The following CELF2 variants were observed in gnomAD, a reference collection of about 807,000 sequenced individuals.
CELF2 encodes CUGBP Elav-like family member 2.
In CELF2, 8 loss-of-function variants were observed where a neutral mutation model predicts 62.6. The ratio of observed to expected loss-of-function variants is 0.13; its 90% CI spans 0.07 to 0.23. The LOEUF (loss-of-function observed/expected upper bound fraction) is 0.23, where lower values mean the gene tolerates loss of function less well. Among genes scored for constraint, CELF2 ranks in the 10% least tolerant of loss-of-function variants. CELF2 has a pLI of 1.00. For missense variants in CELF2, 333 were observed against 671.0 expected (o/e 0.50, Z 5.56); for synonymous variants, 258 against 250.0 (o/e 1.03, Z -0.30).
At chr10:10,775,156 C>A in the CELF2 span, among the ~76,000 whole-genome samples, 1 of 152,070 alleles carries the variant, frequency 6.6e-6, no homozygotes, top group African/African-American at 2.4e-5. Flanking sequence ...GGATTACAGG[C>A]GTGAGCCACA....
chr10:10,683,208 G>A, the CELF2 span, among the ~76,000 whole-genome samples: 5 of 152,146 alleles, frequency 3.3e-5, no homozygotes, highest in South Asian at 2.1e-4. Flanking sequence ...AAACTGATCA[G>A]CTATTTTCGA....
chr10:11,261,174 C>T (rs911189289), intron 5 of CELF2, among the ~76,000 whole-genome samples: 5 of 152,178 alleles, frequency 3.3e-5, no homozygotes, highest in African/African-American at 9.7e-5. Context: ...TCTTTTTCTG[C>T]TTTTGCCCAG....
At chr10:11,062,814 G>T (rs546102961) in intron 1 of CELF2, among the ~76,000 whole-genome samples, 1 of 152,298 alleles carries the variant, frequency 6.6e-6, no homozygotes, top group South Asian at 2.1e-4. Flanking sequence ...TTTAAAAGAA[G>T]TTCTAACATG....
intron 1 of CELF2, among the ~76,000 whole-genome samples, chr10:10,867,634 G>A (rs12357348): frequency 0.13 from 19,189 of 152,018 alleles, 1,598 homozygotes; most frequent in Non-Finnish European, 0.19. Context: ...AAAACCCATG[G>A]GCCATGCCTT....
At chr10:11,231,964 G>A (rs987203058) in intron 3 of CELF2, among the ~76,000 whole-genome samples, 2 of 151,698 alleles carry the variant, frequency 1.3e-5, no homozygotes, top group African/African-American at 4.9e-5. Flanking sequence ...TTGCATTCAT[G>A]TATTATTAGT....
At chr10:11,264,958 T>A (rs538718975) in intron 5 of CELF2, among the ~76,000 whole-genome samples, 2 of 152,042 alleles carry the variant, frequency 1.3e-5, no homozygotes, top group African/African-American at 4.8e-5. Context: ...GTACTGAGAG[T>A]TTTTGTGTGT....
At chr10:11,088,447 A>T (rs1351479498) in intron 1 of CELF2, among the ~76,000 whole-genome samples, 1 of 152,170 alleles carries the variant, frequency 6.6e-6, no homozygotes, top group Non-Finnish European at 1.5e-5. Flanking sequence ...TGTTCCCTAG[A>T]CATTAGAGAT....
the CELF2 span, among the ~76,000 whole-genome samples, chr10:10,492,500 A>G: frequency 6.6e-6 from 1 of 152,208 alleles, no homozygotes; most frequent in African/African-American, 2.4e-5. Flanking sequence ...AAAGCAGACA[A>G]AAGTATGGCG....
intron 2 of CELF2, among the ~76,000 whole-genome samples, chr10:11,200,040 G>A (rs960336900): frequency 1.3e-5 from 2 of 152,186 alleles, no homozygotes; most frequent in Admixed American, 6.5e-5. Context: ...TTGTTGACAC[G>A]CCTTCTGGAT....
chr10:11,055,353 T>C (rs917092551), intron 1 of CELF2, among the ~76,000 whole-genome samples: 1 of 152,186 alleles, frequency 6.6e-6, no homozygotes, highest in Admixed American at 6.5e-5. Context: ...ATAATCTGCA[T>C]TTCATGAACA....
chr10:10,849,171 C>T (rs373935313), intron 1 of CELF2, among the ~76,000 whole-genome samples: 5 of 150,608 alleles, frequency 3.3e-5, no homozygotes, highest in Non-Finnish European at 5.9e-5. Context: ...CTGAGGCGGG[C>T]GGATCTCTTG....
intron 2 of CELF2, among the ~76,000 whole-genome samples, chr10:11,179,423 G>A (rs1466957034): frequency 6.6e-6 from 1 of 152,194 alleles, no homozygotes; most frequent in Non-Finnish European, 1.5e-5. Flanking sequence ...TATCTTGTGT[G>A]TCTCTGAAAT....
intron 2 of CELF2, among the ~76,000 whole-genome samples, chr10:10,924,673 G>C (rs1305490923): frequency 2.1e-5 from 3 of 139,588 alleles, no homozygotes; most frequent in Admixed American, 7.3e-5. Context: ...AAGAAGTTAC[G>C]AAAGAAAAAT....
intron 1 of CELF2, among the ~76,000 whole-genome samples, chr10:11,022,928 A>G (rs987809179): frequency 1.3e-5 from 2 of 152,214 alleles, no homozygotes; most frequent in African/African-American, 4.8e-5. Context: ...TCCGTATCTA[A>G]TTTGCATTTA....
the CELF2 span, among the ~76,000 whole-genome samples, chr10:10,557,620 T>A: frequency 6.6e-6 from 1 of 152,108 alleles, no homozygotes; most frequent in African/African-American, 2.4e-5. Context: ...TAAATTACCT[T>A]GGGCAGTATT....
At chr10:10,924,724 C>CTTTTTTTTTTTTTTTTTTTTTT (rs745848953) in intron 2 of CELF2, among the ~76,000 whole-genome samples, 7 of 89,156 alleles carry the variant, frequency 7.9e-5, no homozygotes, top group South Asian at 4.8e-4. Flanking sequence ...AACTTGATCG[C>CTTTTTTTTTTTTTTTTTTTTTT]TTTTTTTTTT....
chr10:10,623,865 G>T, the CELF2 span, among the ~76,000 whole-genome samples: 1 of 152,224 alleles, frequency 6.6e-6, no homozygotes, highest in Non-Finnish European at 1.5e-5. Context: ...TCGAGATGCA[G>T]AAGTGAACTG....
chr10:10,666,885 A>G, the CELF2 span, among the ~76,000 whole-genome samples: 11 of 75,598 alleles, frequency 1.5e-4, 4 homozygotes, highest in African/African-American at 6.0e-4. Context: ...AAAAAGAAAA[A>G]AAAAAAGAAA....
intron 1 of CELF2, among the ~76,000 whole-genome samples, chr10:11,034,310 T>C (rs1299979395): frequency 6.6e-6 from 1 of 152,196 alleles, no homozygotes; most frequent in South Asian, 2.1e-4. Context: ...TTCCTTATTC[T>C]GTAGATCAGG....
Sources: gnomAD v4.1 joint callset for allele counts (sites outside exome capture counted in the v4.1 genomes callset) on GRCh38, gnomAD v4.1.1 for gene constraint, MANE v1.5 for transcripts, NCBI Gene and HGNC (gene_info 2026-07-23, HGNC 2026-07-21) for gene names.